Variants in RAD51B observed in about 807,000 individuals in gnomAD.
RAD51B encodes DNA repair protein RAD51 homolog 2.
Under a neutral mutation model 42.2 loss-of-function variants are expected in RAD51B, and 38 were observed. The observed-to-expected ratio is 0.90, with a 90% CI of 0.70 to 1.18. RAD51B has a LOEUF of 1.18. RAD51B is among the 50% of genes most tolerant of loss of function. The pLI is 0.00. For synonymous variants in RAD51B, 154 were observed against 145.2 expected, an observed-to-expected ratio of 1.06 and a Z score of -0.43; for missense variants, 373 against 400.7, an observed-to-expected ratio of 0.93 and a Z score of 0.59.
chr14:68,395,806 C>A (rs1291548074), intron 8 of RAD51B, among the ~76,000 whole-genome samples: 1 of 152,204 alleles, frequency 6.6e-6, no homozygotes, highest in African/African-American at 2.4e-5. Context: ...TGACCAGTGA[C>A]TAAGTGTGTG....
chr14:68,430,226 T>TGTGG (rs1465538657), intron 9 of RAD51B, among the ~76,000 whole-genome samples: 2 of 152,198 alleles, frequency 1.3e-5, no homozygotes, highest in Non-Finnish European at 2.9e-5. Flanking sequence ...GTCTTGGCAA[T>TGTGG]GTGGGCTCTT....
intron 8 of RAD51B, among the ~76,000 whole-genome samples, chr14:68,363,905 G>C (rs991047557): frequency 2.6e-5 from 4 of 152,198 alleles, no homozygotes; most frequent in East Asian, 1.9e-4. Flanking sequence ...GGGCCACATC[G>C]GTCAGTGTTA....
intron 7 of RAD51B, among the ~76,000 whole-genome samples, chr14:67,893,094 G>A (rs1465567135): frequency 6.6e-6 from 1 of 152,088 alleles, no homozygotes; most frequent in East Asian, 1.9e-4. Context: ...ATGCAGGGGT[G>A]CTAATAGATA....
chr14:67,848,855 G>A (rs1023506886), intron 4 of RAD51B, among the ~76,000 whole-genome samples: 1 of 152,138 alleles, frequency 6.6e-6, no homozygotes, highest in Non-Finnish European at 1.5e-5. Context: ...ATGAAGCTTA[G>A]TTTGTGGGAT....
intron 7 of RAD51B, among the ~76,000 whole-genome samples, chr14:67,909,757 C>A (rs764791846): frequency 6.6e-6 from 1 of 152,176 alleles, no homozygotes; most frequent in African/African-American, 2.4e-5. Flanking sequence ...TGGCTCACTG[C>A]AGCCTTCACC....
intron 11 of RAD51B, among the ~76,000 whole-genome samples, chr14:68,667,069 T>G (rs1893046372): frequency 6.6e-6 from 1 of 152,208 alleles, no homozygotes; most frequent in African/African-American, 2.4e-5. Context: ...AGCATAACCT[T>G]TCACATTCTG....
rs553549332 is a variant in RAD51B, at chr14:68,561,814, C to T, written c.1037-32671C>T. ...CACTGCAGCTTGGTGAATGAACATA[C>T]CGGCTTTAGAGTCACACTGGTGGCC... On this transcript the variant is annotated intron_variant, in intron 10 of 10. Transcript: ENST00000487270. 2.9e-3 allele frequency among the ~76,000 whole-genome samples: 442 copies of T among 152,306 alleles called. 8 individuals carry two copies. Among genetic ancestry groups the T allele is most frequent in the Admixed American group, 4.2e-3 (65 of 15,306 alleles).
intron 10 of RAD51B, chr14:68,541,397 T>C: frequency 1.0e-6 from 1 of 985,452 alleles, no homozygotes; most frequent in Non-Finnish European, 1.2e-6. Flanking sequence ...ACATCTTATA[T>C]GCACAGTCCT....
In RAD51B at chr14:67,884,844, C is replaced by T. The variant is rs538475588; in HGVS notation, c.453-1025C>T. On this transcript the variant is annotated intron_variant, in intron 5 of 10. Transcript: ENST00000471583. ...AAAACAGTTGTTGAAGTTCTCTCTT[C>T]TCTTTTCCTGTTTTGGGCTTTTCTC... Among the ~76,000 whole-genome samples the T allele has an allele frequency of 5.9e-5, 9 of 152,278 alleles. No homozygotes were observed. In the East Asian group the frequency reaches 1.7e-3, roughly 29 times the overall value.
At chr14:68,669,974 C>T (rs1893119742) in intron 11 of RAD51B, among the ~76,000 whole-genome samples, 1 of 152,074 alleles carries the variant, frequency 6.6e-6, no homozygotes, top group South Asian at 2.1e-4. Flanking sequence ...TGGTGGGGGG[C>T]TCAGATTAAT....
chr14:68,601,248 G>T (rs1156671576), intron 10 of RAD51B, among the ~76,000 whole-genome samples: 2 of 152,128 alleles, frequency 1.3e-5, no homozygotes, highest in Admixed American at 6.5e-5. Context: ...TGGTGGGGGG[G>T]TGGGTCCTGG....
chr14:68,369,265 T>C (rs1257893053), intron 8 of RAD51B, among the ~76,000 whole-genome samples: 2 of 152,234 alleles, frequency 1.3e-5, no homozygotes, highest in Non-Finnish European at 2.9e-5. Context: ...GTTTGGCTAT[T>C]GTAAAATTTA....
chr14:68,044,822 C>T (rs1426737253), intron 7 of RAD51B, among the ~76,000 whole-genome samples: 1 of 151,998 alleles, frequency 6.6e-6, no homozygotes, highest in Non-Finnish European at 1.5e-5. Context: ...CCAATGAGAA[C>T]ATTGTCACAT....
At chr14:68,494,302 C>A (rs1287324945) in intron 10 of RAD51B, among the ~76,000 whole-genome samples, 2 of 149,252 alleles carry the variant, frequency 1.3e-5, no homozygotes, top group Admixed American at 1.3e-4. Context: ...AAAAAAATGA[C>A]CAATTTCACC....
At chr14:68,613,382 C>T (rs1365866047), downstream of RAD51B, among the ~76,000 whole-genome samples, 2 of 151,388 alleles carry the variant, frequency 1.3e-5, no homozygotes, top group Non-Finnish European at 2.9e-5. Flanking sequence ...CACACCATTG[C>T]ACTCCAGCCT....
At chr14:68,532,716 A>G (rs1388294655) in intron 10 of RAD51B, among the ~76,000 whole-genome samples, 1 of 152,214 alleles carries the variant, frequency 6.6e-6, no homozygotes, top group Non-Finnish European at 1.5e-5. Flanking sequence ...GAAAAGGGAA[A>G]GTGACTCATC....
At chr14:68,587,944 C>G (rs147832666) in intron 10 of RAD51B, among the ~76,000 whole-genome samples, 3 of 152,320 alleles carry the variant, frequency 2.0e-5, no homozygotes, top group African/African-American at 7.2e-5. Context: ...TAGATCCTCG[C>G]TCCTATAAAC....
At chr14:67,981,152 C>A (rs2075085333) in intron 7 of RAD51B, among the ~76,000 whole-genome samples, 1 of 152,028 alleles carries the variant, frequency 6.6e-6, no homozygotes, top group South Asian at 2.1e-4. Flanking sequence ...AAGTTCGAGA[C>A]CATAAGCACA....
At chr14:68,260,067 A>G (rs1268656686) in intron 7 of RAD51B, among the ~76,000 whole-genome samples, 1 of 151,882 alleles carries the variant, frequency 6.6e-6, no homozygotes, top group East Asian at 1.9e-4. Context: ...AAGGAAAGTG[A>G]TAATGGGGGG....
Sources: gnomAD v4.1 joint callset for allele counts (sites outside exome capture counted in the v4.1 genomes callset) on GRCh38, gnomAD v4.1.1 for gene constraint, MANE v1.5 for transcripts, NCBI Gene and HGNC (gene_info 2026-07-23, HGNC 2026-07-21) for gene names.